Variants in CADM2 observed in about 807,000 individuals in gnomAD.
CADM2 encodes immunoglobulin superfamily member 4D.
Under a neutral mutation model 49.8 loss-of-function variants are expected in CADM2, and 12 were observed. The ratio of observed to expected loss-of-function variants is 0.24; its 90% CI spans 0.15 to 0.39. The LOEUF is 0.39. CADM2 is among the 10% of genes least tolerant of loss of function. CADM2 has a pLI of 1.00. For synonymous variants in CADM2, 214 were observed against 175.4 expected (o/e 1.22, Z -1.74); for missense variants, 378 against 492.3 (o/e 0.77, Z 2.20).
At chr3:86,042,052 C>G (rs184988964) in intron 8 of CADM2, among the ~76,000 whole-genome samples, 1 of 152,208 alleles carries the variant, frequency 6.6e-6, no homozygotes, top group Admixed American at 6.5e-5. Context: ...CACAACATAC[C>G]AGAAACTCTG....
chr3:85,777,642 C>T (rs1006237987), intron 2 of CADM2, among the ~76,000 whole-genome samples: 2 of 152,152 alleles, frequency 1.3e-5, no homozygotes, highest in East Asian at 3.8e-4. Flanking sequence ...ACCTCTTACT[C>T]TTTCTCATTT....
intron 7 of CADM2, among the ~76,000 whole-genome samples, chr3:85,958,922 A>G (rs779985170): frequency 5.2e-4 from 79 of 151,180 alleles, no homozygotes; most frequent in South Asian, 1.3e-3. Context: ...AGGGGAGGGA[A>G]CCTAGATGAT....
chr3:85,059,276 C>T (rs1322879346), intron 1 of CADM2, among the ~76,000 whole-genome samples: 1 of 150,910 alleles, frequency 6.6e-6, no homozygotes, highest in African/African-American at 2.4e-5. Context: ...AAGAATGCAT[C>T]TGCATAGTGG....
chr3:85,875,177 T>C (rs1431529169), intron 3 of CADM2, among the ~76,000 whole-genome samples: 1 of 152,154 alleles, frequency 6.6e-6, no homozygotes, highest in East Asian at 1.9e-4. Context: ...TGTATGACTG[T>C]GAAAGAACAA....
chr3:85,042,501 T>A (rs144193398), intron 1 of CADM2, among the ~76,000 whole-genome samples: 3,116 of 152,254 alleles, frequency 0.02, 39 homozygotes, highest in Non-Finnish European at 0.031. Flanking sequence ...TTATTGTGTG[T>A]GTGTTTTCAT....
At chr3:85,639,909 C>CT (rs1452620832) in intron 1 of CADM2, among the ~76,000 whole-genome samples, 10 of 152,258 alleles carry the variant, frequency 6.6e-5, no homozygotes, top group African/African-American at 2.4e-4. Context: ...AACTCCAAAT[C>CT]TTTTTATGAT....
intron 1 of CADM2, among the ~76,000 whole-genome samples, chr3:85,324,795 G>T (rs1401669117): frequency 6.6e-6 from 1 of 152,122 alleles, no homozygotes; most frequent in East Asian, 1.9e-4. Context: ...CATCGTGTGG[G>T]TATCTTCTCC....
chr3:86,017,342 T>G (rs894989825), intron 8 of CADM2, among the ~76,000 whole-genome samples: 1 of 151,970 alleles, frequency 6.6e-6, no homozygotes, highest in Non-Finnish European at 1.5e-5. Flanking sequence ...TTACTAATTA[T>G]TTACACAAGA....
At chr3:85,364,895 A>G (rs1201888482) in intron 1 of CADM2, among the ~76,000 whole-genome samples, 2 of 151,976 alleles carry the variant, frequency 1.3e-5, no homozygotes, top group Non-Finnish European at 2.9e-5. Context: ...AACAACAACA[A>G]CAACAACAAC....
chr3:85,513,696 T>G (rs2060829409), intron 1 of CADM2, among the ~76,000 whole-genome samples: 1 of 152,036 alleles, frequency 6.6e-6, no homozygotes, highest in African/African-American at 2.4e-5. Flanking sequence ...TCCAGTTAAT[T>G]GATGCTTTAC....
chr3:85,021,760 G>A lies in CADM2; in HGVS notation c.61+62092G>A, dbSNP rs575675411. 1.1e-4 allele frequency among the ~76,000 whole-genome samples: 16 copies of A among 152,130 alleles called. No homozygotes were observed. In the South Asian group the frequency reaches 3.1e-3, roughly 30 times the overall value. Reference sequence around the variant, plus strand: ...ATTGCACTTCAGCCTGGGTGACAAGGGCGAAACTCCGTCTCAAAAATAAAT... The same window carrying A: ...ATTGCACTTCAGCCTGGGTGACAAGAGCGAAACTCCGTCTCAAAAATAAAT... On this transcript the variant is annotated intron_variant, in intron 1 of 9. Coordinates refer to ENST00000383699, the MANE Select transcript of CADM2 (RefSeq NM_001167675.2).
intron 1 of CADM2, among the ~76,000 whole-genome samples, chr3:85,260,790 C>A (rs977670433): frequency 3.0e-4 from 45 of 152,128 alleles, no homozygotes; most frequent in African/African-American, 1.1e-3. Context: ...GGAAAGTAAA[C>A]TATTCACAAA....
intron 1 of CADM2, among the ~76,000 whole-genome samples, chr3:85,313,094 T>A (rs1301265433): frequency 1.3e-5 from 2 of 152,196 alleles, no homozygotes; most frequent in African/African-American, 4.8e-5. Context: ...ATAGTTCATG[T>A]TAATAATCAA....
intron 1 of CADM2, among the ~76,000 whole-genome samples, chr3:85,710,714 G>T (rs747690152): frequency 6.6e-6 from 1 of 152,078 alleles, no homozygotes; most frequent in African/African-American, 2.4e-5. Context: ...AGCCTTTAGC[G>T]CATGAGTCAG....
intron 1 of CADM2, among the ~76,000 whole-genome samples, chr3:84,969,239 G>T (rs1559594803): frequency 6.6e-6 from 1 of 151,754 alleles, no homozygotes; most frequent in Admixed American, 6.6e-5. Flanking sequence ...TATGCTTATG[G>T]CAATAAAAAG....
At chr3:85,127,011 T>C (rs2039056638) in intron 1 of CADM2, among the ~76,000 whole-genome samples, 1 of 152,150 alleles carries the variant, frequency 6.6e-6, no homozygotes, top group African/African-American at 2.4e-5. Context: ...GATTTCATTA[T>C]ACCATACATA....
At chr3:85,502,032 CA>C (rs879308871) in intron 1 of CADM2, among the ~76,000 whole-genome samples, 1 of 151,802 alleles carries the variant, frequency 6.6e-6, no homozygotes, top group Non-Finnish European at 1.5e-5. Flanking sequence ...GGAAGTATTA[CA>C]AAAGAATGAG....
chr3:85,629,384 G>T (rs182932254), intron 1 of CADM2, among the ~76,000 whole-genome samples: 48 of 151,670 alleles, frequency 3.2e-4, no homozygotes, highest in Middle Eastern at 3.4e-3. Context: ...CTGATGATAC[G>T]GATATAGCAT....
chr3:85,481,853 C>T (rs1487563106), intron 1 of CADM2, among the ~76,000 whole-genome samples: 1 of 150,692 alleles, frequency 6.6e-6, no homozygotes, highest in Non-Finnish European at 1.5e-5. Flanking sequence ...ATATAAATAC[C>T]CTGATGAACA....
Sources: gnomAD v4.1 joint callset for allele counts (sites outside exome capture counted in the v4.1 genomes callset) on GRCh38, gnomAD v4.1.1 for gene constraint, MANE v1.5 for transcripts, NCBI Gene and HGNC (gene_info 2026-07-23, HGNC 2026-07-21) for gene names.